IQCM: variants seen among roughly 807,000 people sequenced by gnomAD.
IQCM encodes IQ motif containing M.
IQCM carries 45 observed loss-of-function variants against 57.6 expected under a neutral mutation model. The ratio of observed to expected loss-of-function variants is 0.78; its 90% CI spans 0.62 to 1.00. The LOEUF (loss-of-function observed/expected upper bound fraction) is 1.00, where lower values mean the gene tolerates loss of function less well. IQCM is among the 50% of genes least tolerant of loss of function. The pLI is 0.00. For synonymous variants in IQCM, 148 were observed against 158.9 expected (o/e 0.93, Z 0.51); for missense variants, 468 against 511.6 (o/e 0.91, Z 0.82).
intron 13 of IQCM, among the ~76,000 whole-genome samples, chr4:149,361,666 G>A (rs1729497773): frequency 6.6e-6 from 1 of 152,142 alleles, no homozygotes; most frequent in Admixed American, 6.5e-5. Flanking sequence ...ATTGAGGTGT[G>A]GGTACCTCCT....
At chr4:149,668,953 A>T (rs1207266015) in intron 7 of IQCM, among the ~76,000 whole-genome samples, 3 of 152,190 alleles carry the variant, frequency 2.0e-5, no homozygotes, top group Non-Finnish European at 4.4e-5. Context: ...CAATATCAAG[A>T]ATAAAGAGAT....
chr4:149,610,601 C>T (rs1041215169), intron 8 of IQCM, among the ~76,000 whole-genome samples: 9 of 151,830 alleles, frequency 5.9e-5, no homozygotes, highest in Non-Finnish European at 1.3e-4. Flanking sequence ...AACAAAGGTG[C>T]CAAGAACACG....
At chr4:149,454,454 G>A (rs1327358641) in intron 12 of IQCM, among the ~76,000 whole-genome samples, 1 of 151,582 alleles carries the variant, frequency 6.6e-6, no homozygotes, top group Non-Finnish European at 1.5e-5. Context: ...ACAGACACCA[G>A]GTCCTACTTT....
At chr4:149,401,554 T>C (rs1048060392) in intron 13 of IQCM, among the ~76,000 whole-genome samples, 3 of 151,826 alleles carry the variant, frequency 2.0e-5, no homozygotes, top group African/African-American at 7.2e-5. Flanking sequence ...GATAAATAAG[T>C]TGATTGTGTC....
chr4:149,679,529 T>C (rs1762018848), intron 7 of IQCM, among the ~76,000 whole-genome samples: 2 of 151,614 alleles, frequency 1.3e-5, no homozygotes, highest in Non-Finnish European at 3.0e-5. Flanking sequence ...GAAATGGTTC[T>C]GTCATAAAGA....
chr4:149,558,518 G>T (rs976537284), intron 10 of IQCM, among the ~76,000 whole-genome samples: 1 of 152,166 alleles, frequency 6.6e-6, no homozygotes, highest in Non-Finnish European at 1.5e-5. Context: ...ACATTTTAGT[G>T]AAAGGAGCAA....
intron 13 of IQCM, among the ~76,000 whole-genome samples, chr4:149,422,483 T>C (rs1245707283): frequency 6.6e-6 from 1 of 151,984 alleles, no homozygotes; most frequent in African/African-American, 2.4e-5. Flanking sequence ...AACAACCTAT[T>C]TTTAAGCTTC....
chr4:149,368,992 G>GTGTATA (rs1553956058), intron 13 of IQCM, among the ~76,000 whole-genome samples: 1 of 32,210 alleles, frequency 3.1e-5, no homozygotes, highest in Non-Finnish European at 5.6e-5. Flanking sequence ...ATATACACGT[G>GTGTATA]TATATATATA....
chr4:149,758,877 T>G (rs1385621776), intron 2 of IQCM, among the ~76,000 whole-genome samples: 1 of 152,230 alleles, frequency 6.6e-6, no homozygotes, highest in Non-Finnish European at 1.5e-5. Flanking sequence ...ACAGCCACTC[T>G]GGAGGACAAT....
intron 13 of IQCM, among the ~76,000 whole-genome samples, chr4:149,355,472 C>T (rs942654681): frequency 2.0e-5 from 3 of 147,264 alleles, no homozygotes; most frequent in Non-Finnish European, 1.5e-5. Context: ...CAATTCCCAC[C>T]TATGACTGAG....
chr4:149,545,383 T>A (rs1222258244), intron 12 of IQCM, among the ~76,000 whole-genome samples: 2 of 151,852 alleles, frequency 1.3e-5, no homozygotes, highest in Admixed American at 1.3e-4. Flanking sequence ...ATAACTCAAT[T>A]CAAAAATGGC....
rs1030074373 is a variant in IQCM at position 149,504,846 on chromosome 4, G to C, written c.1228+43609C>G. On this transcript the variant is annotated intron_variant, in intron 12 of 13. Transcript: ENST00000636793. ...AAGAATCGCTTGAGCCCAGGAGGCAGAGGTTGCAGTGAGCTGAGATCGTGT... is the reference window on the plus strand; with the variant it reads ...AAGAATCGCTTGAGCCCAGGAGGCACAGGTTGCAGTGAGCTGAGATCGTGT... 4.6e-5 allele frequency among the ~76,000 whole-genome samples: 7 copies of C among 152,290 alleles called. No homozygotes were observed. In the East Asian group the frequency reaches 1.4e-3, roughly 29 times the overall value.
intron 5 of IQCM, among the ~76,000 whole-genome samples, chr4:149,694,693 G>A (rs1246893377): frequency 2.0e-5 from 3 of 152,130 alleles, no homozygotes; most frequent in Non-Finnish European, 2.9e-5. Flanking sequence ...TCAGAAAAGG[G>A]AGTGTGTTCC....
intron 13 of IQCM, among the ~76,000 whole-genome samples, chr4:149,386,619 T>C (rs758704935): frequency 3.9e-5 from 6 of 152,074 alleles, no homozygotes; most frequent in Non-Finnish European, 8.8e-5. Flanking sequence ...CAAAAAACTA[T>C]CTTTTATACA....
At chr4:149,731,059 G>T (rs1220785959) in intron 5 of IQCM, among the ~76,000 whole-genome samples, 1 of 152,066 alleles carries the variant, frequency 6.6e-6, no homozygotes, top group Non-Finnish European at 1.5e-5. Flanking sequence ...GTCTAAAACT[G>T]AATTCGTTAT....
intron 2 of IQCM, among the ~76,000 whole-genome samples, chr4:149,781,479 A>G (rs1263463278): frequency 1.3e-5 from 2 of 152,188 alleles, no homozygotes; most frequent in East Asian, 1.9e-4. Context: ...CTGTCAAGGT[A>G]TCACAACGCT....
intron 2 of IQCM, among the ~76,000 whole-genome samples, chr4:149,775,606 T>G (rs1043212948): frequency 5.3e-5 from 8 of 152,190 alleles, no homozygotes; most frequent in Admixed American, 5.2e-4. Flanking sequence ...TTTAAGCAGC[T>G]CAGTGATTCT....
chr4:149,658,372 T>G (rs571167423), intron 7 of IQCM, among the ~76,000 whole-genome samples: 1 of 152,144 alleles, frequency 6.6e-6, no homozygotes, highest in Non-Finnish European at 1.5e-5. Flanking sequence ...TGTTTGGTTT[T>G]TATGCCAGTA....
At chr4:149,707,744 A>C (rs1488368437) in intron 5 of IQCM, among the ~76,000 whole-genome samples, 1 of 152,018 alleles carries the variant, frequency 6.6e-6, no homozygotes, top group Non-Finnish European at 1.5e-5. Flanking sequence ...GTCTCTAATG[A>C]GTCCTGACTG....
Sources: allele counts gnomAD v4.1 joint callset (sites outside exome capture counted in the v4.1 genomes callset), GRCh38; gene constraint gnomAD v4.1.1; transcripts MANE v1.5; gene names NCBI Gene and HGNC (gene_info 2026-07-23, HGNC 2026-07-21).